MUC5B: variants seen among roughly 807,000 people sequenced by gnomAD.
MUC5B encodes mucin 5B, oligomeric mucus/gel-forming.
In MUC5B, 116 loss-of-function variants were observed where a neutral mutation model predicts 376.9. The ratio of observed to expected loss-of-function variants is 0.31; its 90% confidence interval spans 0.26 to 0.36. The LOEUF is 0.36. Among genes scored for constraint, MUC5B ranks in the 10% least tolerant of loss-of-function variants. MUC5B has a pLI of 1.00. For missense variants in MUC5B, 7,165 were observed against 7,769.9 expected (o/e 0.92, Z 2.93); for synonymous variants, 3,517 against 3,390.9 (o/e 1.04, Z -1.29).
rs376869159 is a variant in MUC5B at position 1,251,244 on chromosome 11, C to A, written c.14364C>A (p.His4788Gln). The change falls in exon 31 of 49, where the codon CAC (histidine) becomes CAA (glutamine). Residue 4788 changes from histidine (H) to glutamine (Q), a missense_variant. Physicochemically the swap from His to Gln is conservative, Grantham distance 24. This residue lies in a region of MUC5B where 730 missense variants were observed against 592.7 expected (regional missense o/e 1.23). Coordinates refer to ENST00000529681, the MANE Select transcript of MUC5B (RefSeq NM_002458.3). ...IHTSSTPETT[H>Q]TSTVLTTTAT... is the part of the protein sequence containing the mutation. ...CCTCCTCTACTCCAGAGACCACCCA[C>A]ACCTCCACAGTGCTGACCACCACAG... is the stretch of plus-strand genomic sequence containing the variant. 68 of 1,611,328 alleles carry A rather than the reference C, an allele frequency of 4.2e-5. No individual in the cohort carries two copies. Among genetic ancestry groups the A allele is most frequent in the Non-Finnish European group, 5.8e-5 (68 of 1,178,302 alleles).
rs987329943 is a variant in MUC5B, at chr11:1,225,626, C to T, written c.71-55C>T. ...ATGTGGCCAGGTCCGTGGTTGGGTT[C>T]GTGGCTGGCAGCCACATCTAGTTCC... On this transcript the variant is annotated intron_variant, in intron 1 of 48. Coordinates refer to ENST00000529681, the MANE Select transcript of MUC5B (RefSeq NM_002458.3). The T allele has an allele frequency of 2.6e-5, 39 of 1,510,684 alleles. No homozygotes were observed. The Admixed American group carries it at 3.3e-4, about 13-fold the overall frequency. The allele number at this position is 1,510,684 out of a possible 1,614,324, so 93.6% of individuals were successfully genotyped here. A position where few individuals can be genotyped will look rare whatever the true frequency, so the allele number is the denominator to read the frequency against.
rs1861974848 is a variant in MUC5B, at chr11:1,229,617, C to T, written c.1103-73C>T. 11 of 1,334,578 alleles carry T rather than the reference C, an allele frequency of 8.2e-6. 1 individual carries two copies. The South Asian group carries it at 1.4e-4, about 17-fold the overall frequency. The allele number at this position is 1,334,578 out of a possible 1,614,324, so 82.7% of individuals were successfully genotyped here. A position where few individuals can be genotyped will look rare whatever the true frequency, so the allele number is the denominator to read the frequency against. On this transcript the variant is annotated intron_variant, in intron 9 of 48. Transcript: ENST00000529681. ...TCCTCCCCAAGGGAGGCAGCTTGTC[C>T]CCAAGGCCGGTGTCTTCTGACCTTG... is the stretch of plus-strand genomic sequence containing the variant.
In MUC5B at chr11:1,231,574, G is replaced by A; in HGVS notation, c.1678+14G>A. On this transcript the variant is annotated intron_variant, in intron 14 of 48. Transcript: ENST00000529681. ...GCCAGATGTGCGGTGAGGCTGGGCA[G>A]GGGCCTTCGGGGACAGGGCCATTGG... 1 of 1,556,490 alleles carries A rather than the reference G, an allele frequency of 6.4e-7. No individual in the cohort carries two copies. Among genetic ancestry groups the A allele is most frequent in the Non-Finnish European group, 8.7e-7 (1 of 1,153,842 alleles).
chr11:1,231,660 CG>C, intron 14 of MUC5B, 100 bp downstream of exon 14: 2 of 1,356,946 alleles, frequency 1.5e-6, no homozygotes, highest in Admixed American at 2.4e-5. Flanking sequence ...GGCAGGGGAC[CG>C]GGGAGGGGGC....
In MUC5B at chr11:1,229,817, A is replaced by G. The variant is rs1471717535; in HGVS notation, c.1220+10A>G. ...CCACCTGCAGCTCCTGGTACTTATGAGCCCACCAGCCTCCGCCTGGGGTGG... is the reference window on the plus strand; with the variant it reads ...CCACCTGCAGCTCCTGGTACTTATGGGCCCACCAGCCTCCGCCTGGGGTGG... On this transcript the variant is annotated intron_variant, in intron 10 of 48. Transcript: ENST00000529681. 6.3e-7 allele frequency: 1 copy of G among 1,585,838 alleles called. No homozygotes were observed. Among genetic ancestry groups the G allele is most frequent in the East Asian group, 2.3e-5 (1 of 42,962 alleles).
intron 44 of MUC5B, chr11:1,259,436 T>C (rs1862941056): frequency 2.0e-6 from 1 of 503,562 alleles, no homozygotes; most frequent in East Asian, 3.4e-5. Flanking sequence ...ATTGCTGGGG[T>C]CTTGTTTGTT....
chr11:1,235,398 C>T lies in MUC5B; in HGVS notation c.2865C>T (p.Ile955=), dbSNP rs1172572681. 1 of 1,612,320 alleles carries T rather than the reference C, an allele frequency of 6.2e-7. No homozygotes were observed. Among genetic ancestry groups the T allele is most frequent in the East Asian group, 2.2e-5 (1 of 44,856 alleles). The stretch of plus-strand genomic sequence containing the variant: ...CCGGCACCACCTGCTCCAAGGCCAT[C>T]AAGCTCTTCGTGGAGGTGAGAACGG... ...GTTGTTCSKA[I]KLFVESYELI... is the part of the protein sequence containing the mutation. The change falls in exon 23 of 49, where the codon ATC becomes ATT. Residue 955 remains isoleucine, a synonymous_variant. Transcript: ENST00000529681.
At chr11:1,225,847 C>G in intron 2 of MUC5B, 110 bp downstream of exon 2, 1 of 1,063,966 alleles carries the variant, frequency 9.4e-7, no homozygotes, top group Non-Finnish European at 1.4e-6. Context: ...TGACAGAGAC[C>G]CTCCCTGGGT....
intron 9 of MUC5B, 97 bp downstream of exon 9, chr11:1,229,392 T>C: frequency 7.3e-7 from 1 of 1,364,896 alleles, no homozygotes. Flanking sequence ...GAGCCCCTCA[T>C]GCCAGAAGGT....
chr11:1,233,145 C>G lies in MUC5B; in HGVS notation c.2198C>G (p.Thr733Ser). 1 of 1,606,830 alleles carries G rather than the reference C, an allele frequency of 6.2e-7. No homozygotes were observed. Residue 733 changes from threonine to serine, a missense_variant, in exon 18 of 49, where the codon ACC (threonine) becomes AGC (serine). By Grantham distance (58) the Thr-to-Ser change is moderately conservative (BLOSUM62 1). Coordinates refer to ENST00000529681, the MANE Select transcript of MUC5B (RefSeq NM_002458.3). ...SVSFVPVDGC[T>S]CPAGTFLNDA... ...TCCTTCGTGCCTGTGGACGGCTGCA[C>G]CTGCCCCGCGGGCACCTTCCTCAAT...
chr11:1,250,753 CCCACAA>C lies in MUC5B; in HGVS notation c.13878_13883del (p.Thr4628_Thr4629del). ...AGTGTGGATCAGCACAACCACCACA[CCCACAA>C]CCACCACACCCACAACCAGTGGCTC... On this transcript the variant is annotated inframe_deletion, in exon 31 of 49. Transcript: ENST00000529681. 6.3e-7 allele frequency: 1 copy of C among 1,595,872 alleles called. No homozygotes were observed. The highest frequency in any genetic ancestry group is 8.6e-7 in the Non-Finnish European group (1 of 1,167,842).
At position 1,251,238 on chromosome 11, in the gene MUC5B, C is replaced by T. The variant is rs761216246; in HGVS notation, c.14358C>T (p.Thr4786=). Residue 4786 remains threonine, a synonymous_variant, in exon 31 of 49, where the codon ACC becomes ACT. Coordinates refer to ENST00000529681, the MANE Select transcript of MUC5B (RefSeq NM_002458.3). ...STIHTSSTPE[T]THTSTVLTTT... is the part of the protein sequence containing the mutation. ...TCCACACCTCCTCTACTCCAGAGAC[C>T]ACCCACACCTCCACAGTGCTGACCA... 3 of 1,611,272 alleles carry T rather than the reference C, an allele frequency of 1.9e-6. No homozygotes were observed. The highest frequency in any genetic ancestry group is 1.3e-5 in the African/African-American group (1 of 74,820).
chr11:1,249,813 G>C lies in MUC5B; in HGVS notation c.12933G>C (p.Leu4311=). ...GGACTGCAACCACCCTTCCAGTGCTGACAAGCACAGCCACCAAATCCACAG... is the reference window on the plus strand; with the variant it reads ...GGACTGCAACCACCCTTCCAGTGCTCACAAGCACAGCCACCAAATCCACAG... ...SPRTATTLPV[L]TSTATKSTAT... Residue 4311 remains leucine (L), a synonymous_variant, in exon 31 of 49, where the codon CTG becomes CTC. Coordinates refer to ENST00000529681, the MANE Select transcript of MUC5B (RefSeq NM_002458.3). 1 of 1,613,366 alleles carries C rather than the reference G, an allele frequency of 6.2e-7. No individual in the cohort carries two copies. Among genetic ancestry groups the C allele is most frequent in the Non-Finnish European group, 8.5e-7 (1 of 1,179,700 alleles).
intron 8 of MUC5B, 120 bp downstream of exon 8, chr11:1,228,885 C>A (rs1338367137): frequency 1.1e-5 from 12 of 1,055,524 alleles, no homozygotes; most frequent in Non-Finnish European, 1.6e-5. Context: ...AGAGGACCCA[C>A]CCCAGGCATA....
At position 1,230,020 on chromosome 11, in the gene MUC5B, G is replaced by A. The variant is rs778852731; in HGVS notation, c.1236G>A (p.Gly412=). 2 of 1,603,218 alleles carry A rather than the reference G, an allele frequency of 1.2e-6. No individual in the cohort carries two copies. The highest frequency in any genetic ancestry group is 8.5e-7 in the Non-Finnish European group (1 of 1,175,832). ...TTCSSCTCSG[G]LWQCQDLPCP... The stretch of plus-strand genomic sequence containing the variant: ...CCCTCCCCAGCACCTGCTCCGGGGG[G>A]CTATGGCAGTGCCAGGACCTGCCGT... The change falls in exon 11 of 49, where the codon GGG becomes GGA. Residue 412 remains glycine, a synonymous_variant. Transcript: ENST00000529681.
chr11:1,248,577 C>T lies in MUC5B; in HGVS notation c.11697C>T (p.Thr3899=), dbSNP rs1334832009. ...TCAGCACAACCACCACACCCACAAC[C>T]AGTGGCTCCACGGTGACCCCCTCCT... ...VWISTTTTPT[T]SGSTVTPSSV... is the part of the protein sequence containing the mutation. The change falls in exon 31 of 49, where the codon ACC becomes ACT. Residue 3899 remains threonine, a synonymous_variant. Coordinates refer to ENST00000529681, the MANE Select transcript of MUC5B (RefSeq NM_002458.3). The T allele has an allele frequency of 6.2e-7, 1 of 1,613,046 alleles. No individual in the cohort carries two copies. Among genetic ancestry groups the T allele is most frequent in the East Asian group, 2.2e-5 (1 of 44,870 alleles).
rs1335765629 is a variant in MUC5B, at chr11:1,242,191, C to A, written c.5311C>A (p.Pro1771Thr). Residue 1771 changes from proline to threonine, a missense_variant, in exon 31 of 49, where the codon CCC (proline) becomes ACC (threonine). Physicochemically the swap from Pro to Thr is conservative, Grantham distance 38. Transcript: ENST00000529681. ...STPRTETTMS[P>T]LTNTTTSQGT... ...GCCCAGGACAGAGACGACAATGAGC[C>A]CCTTGACTAACACCACCACCAGCCA... 2 of 1,613,602 alleles carry A rather than the reference C, an allele frequency of 1.2e-6. No individual in the cohort carries two copies. Among genetic ancestry groups the A allele is most frequent in the Non-Finnish European group, 1.7e-6 (2 of 1,179,876 alleles).
Position 1,243,713 on chromosome 11 carries a change from C to G in MUC5B, c.6833C>G (p.Ala2278Gly), listed in dbSNP as rs367782189. 2.4e-5 allele frequency: 38 copies of G among 1,611,556 alleles called. 1 individual carries two copies. Among genetic ancestry groups the G allele is most frequent in the Middle Eastern group, 2.2e-4 (1 of 4,512 alleles). The change falls in exon 31 of 49, where the codon GCC (alanine) becomes GGC (glycine). Residue 2278 changes from alanine to glycine, a missense_variant. By Grantham distance (60) the Ala-to-Gly change is moderately conservative. This residue lies in a region of MUC5B where 79 missense variants were observed against 63.0 expected (regional missense o/e 1.25). Transcript: ENST00000529681. Reference protein sequence around the residue: ...PGTTTPGHTTATSRTTATATP... With the variant: ...PGTTTPGHTTGTSRTTATATP... ...ACGACCACCCCGGGCCACACCACGG[C>G]CACCTCCAGGACCACAGCCACGGCC...
intron 25 of MUC5B, among the ~76,000 whole-genome samples, chr11:1,237,616 T>G (rs1288375549): frequency 6.6e-6 from 1 of 152,186 alleles, no homozygotes; most frequent in Non-Finnish European, 1.5e-5. Flanking sequence ...ATGTCTGTAA[T>G]CCCAGCACTT....
Sources: allele counts gnomAD v4.1 joint callset (sites outside exome capture counted in the v4.1 genomes callset), GRCh38; gene constraint gnomAD v4.1.1; regional missense constraint gnomAD v4.1.1; transcripts MANE v1.5; gene names NCBI Gene and HGNC (gene_info 2026-07-23, HGNC 2026-07-21).